SYS1: variants seen among roughly 807,000 people sequenced by gnomAD.
SYS1 encodes SYS1 golgi trafficking protein, also known as protein SYS1 homolog.
Under a neutral mutation model 17.8 loss-of-function variants are expected in SYS1, and 8 were observed. That is an observed-to-expected ratio of 0.45 (90% CI 0.26 to 0.81). SYS1 has a LOEUF of 0.81. Ranked by LOEUF, SYS1 falls within the 40% of genes least tolerant of loss-of-function variation. The pLI, the probability that SYS1 is intolerant of heterozygous loss-of-function variation, is 0.16. For synonymous variants in SYS1, 95 were observed against 90.9 expected (o/e 1.05, Z -0.26); for missense variants, 161 against 203.9 (o/e 0.79, Z 1.28).
intron 3 of SYS1, 123 bp downstream of exon 3, chr20:45,365,809 A>G: frequency 1.0e-6 from 1 of 962,906 alleles, no homozygotes; most frequent in Non-Finnish European, 1.7e-6. Flanking sequence ...AGTGGGTGAC[A>G]GAGGCCAGTT....
chr20:45,363,707 A>C lies in SYS1; in HGVS notation c.162+14A>C, dbSNP rs1462190458. On this transcript the variant is annotated intron_variant, in intron 2 of 3. Transcript: ENST00000243918. ...TTCGACGCCGAGGTAGGGTCCCCGG[A>C]CTGGGGCGGGTGGGGTCTCGGCCTC... 4 of 1,553,544 alleles carry C rather than the reference A, an allele frequency of 2.6e-6. No individual in the cohort carries two copies. The highest frequency in any genetic ancestry group is 4.8e-5 in the East Asian group (2 of 41,442).
rs912822166 is a variant in SYS1 at position 45,363,269 on chromosome 20, T to A, written c.-50T>A. 12 of 1,232,854 alleles carry A rather than the reference T, an allele frequency of 9.7e-6. No individual in the cohort carries two copies. Among genetic ancestry groups the A allele is most frequent in the Non-Finnish European group, 1.1e-5 (11 of 980,694 alleles). The allele number at this position is 1,232,854 out of a possible 1,614,324, so 76.4% of individuals were successfully genotyped here. A position where few individuals can be genotyped will look rare whatever the true frequency, so the allele number is the denominator to read the frequency against. On this transcript the variant is annotated 5_prime_UTR_variant, in exon 1 of 4. It removes the in-frame stop codon of an upstream open reading frame in the 5' UTR. Transcript: ENST00000243918. ...CAGCGCTGTTTTGGGAGCCCGCCGG[T>A]GAGGCCGGGCCACGCTCAGACACTT...
At chr20:45,374,872 T>G in exon 4 of SYS1, 1 of 860,684 alleles carries the variant, frequency 1.2e-6, no homozygotes, top group African/African-American at 1.7e-5. Context: ...TGTATGATGT[T>G]GGTCTAAGGC....
chr20:45,369,331 C>A (rs1198518963), downstream of SYS1: 2 of 152,080 alleles, frequency 1.3e-5, no homozygotes, highest in Non-Finnish European at 2.9e-5. Flanking sequence ...AAGGAACTTA[C>A]CCAAGGTGAC....
chr20:45,373,743 T>C (rs1227767092), downstream of SYS1: 1 of 638,486 alleles, frequency 1.6e-6, no homozygotes, highest in Non-Finnish European at 2.7e-6. Context: ...CTCGCTGGCT[T>C]CTTTGGTTCT....
At chr20:45,365,321 C>T (rs1988374429) in intron 2 of SYS1, 2 of 457,976 alleles carry the variant, frequency 4.4e-6, no homozygotes, top group Non-Finnish European at 8.1e-6. Context: ...GTCAGCTGAA[C>T]GCTGTTCTAG....
chr20:45,363,440 C>G, intron 1 of SYS1, 89 bp from the exon 2 acceptor site: 1 of 1,483,216 alleles, frequency 6.7e-7, no homozygotes, highest in Non-Finnish European at 9.0e-7. Flanking sequence ...GGAATGGGCT[C>G]ACCCCTTGGT....
Sources: allele counts gnomAD v4.1 joint callset, GRCh38; gene constraint gnomAD v4.1.1; transcripts MANE v1.5; gene names NCBI Gene and HGNC (gene_info 2026-07-23, HGNC 2026-07-21).